The following BRI3 variants were observed in gnomAD, a reference collection of about 807,000 sequenced individuals.
The protein encoded by BRI3 is brain protein I3.
A neutral mutation model predicts 12.8 loss-of-function variants in BRI3; 6 were observed. That is an observed-to-expected ratio of 0.47 (90% CI 0.26 to 0.93). The LOEUF (loss-of-function observed/expected upper bound fraction) is 0.93. Among genes scored for constraint, BRI3 ranks in the 40% least tolerant of loss-of-function variants. BRI3 has a pLI of 0.15. For synonymous variants in BRI3, 91 were observed against 76.1 expected (o/e 1.20, Z -1.02); for missense variants, 134 against 171.1 (o/e 0.78, Z 1.21).
At chr7:98,283,901 T>G (rs1166456717) in intron 2 of BRI3, among the ~76,000 whole-genome samples, 2 of 152,048 alleles carry the variant, frequency 1.3e-5, no homozygotes, top group Non-Finnish European at 2.9e-5. Flanking sequence ...ATCCCAGGGC[T>G]GGGGGGCGCC....
In BRI3 at chr7:98,291,331, A is replaced by G. The variant is rs111602129; in HGVS notation, c.*88A>G. 1.1e-3 allele frequency: 1,729 copies of G among 1,569,560 alleles called. 30 individuals carry two copies. The African/African-American group carries it at 0.02, about 18-fold the overall frequency. On this transcript the variant is annotated 3_prime_UTR_variant, in exon 3 of 3. Coordinates refer to ENST00000297290, the MANE Select transcript of BRI3 (RefSeq NM_015379.5). ...CAATAATTTTATTTGATTAAGCTTC[A>G]GGACTGTTTTGTAAAGCGAGGTGGG...
chr7:98,320,147 T>C, the BRI3 span: 79 of 1,603,484 alleles, frequency 4.9e-5, no homozygotes, highest in South Asian at 8.4e-4. Context: ...CAAAAGGAAA[T>C]AAATTCATAC....
chr7:98,298,232 A>G (rs989297172), intron 1 of BRI3, among the ~76,000 whole-genome samples: 1 of 152,208 alleles, frequency 6.6e-6, no homozygotes, highest in Non-Finnish European at 1.5e-5. Context: ...GGGATGCTCT[A>G]TGGACACCTA....
downstream of BRI3, chr7:98,312,064 G>T (rs200439220): frequency 6.4e-7 from 1 of 1,557,896 alleles, no homozygotes; most frequent in East Asian, 2.3e-5. Context: ...GGAAACACAC[G>T]ATTGAAATCT....
chr7:98,312,611 C>T (rs181677762), downstream of BRI3, among the ~76,000 whole-genome samples: 134 of 152,288 alleles, frequency 8.8e-4, no homozygotes, highest in African/African-American at 3.2e-3. Context: ...GCCCCAGAAA[C>T]GCCAACCATC....
At chr7:98,290,967 G>C (rs1242129788) in intron 2 of BRI3, 144 bp from the exon 3 acceptor site, 1 of 715,770 alleles carries the variant, frequency 1.4e-6, no homozygotes, top group East Asian at 2.7e-5. Flanking sequence ...GTGGTGGGGT[G>C]GGGGGCTGTT....
upstream of BRI3, chr7:98,304,118 GGTCACC>G: frequency 7.1e-7 from 1 of 1,410,932 alleles, no homozygotes; most frequent in Admixed American, 2.9e-5. Context: ...AGAGCAAGGC[GGTCACC>G]ACAGGACCTG....
chr7:98,317,167 CTG>C, the BRI3 span: 1,806 of 1,612,114 alleles, frequency 1.1e-3, 43 homozygotes, highest in South Asian at 0.019. Context: ...TCCTCTTAAA[CTG>C]TGCAAATTGT....
rs150164653 is a variant in BRI3 at position 98,282,410 on chromosome 7, C to G, written c.202C>G (p.Pro68Ala). 1 of 1,614,128 alleles carries G rather than the reference C, an allele frequency of 6.2e-7. No homozygotes were observed. The highest frequency in any genetic ancestry group is 1.7e-5 in the Admixed American group (1 of 60,028). ...CCACAGCCGGACCGTCACCCGCTAT[C>G]CTGCCAACTCTATCGTGGTCGTAGG... ...NIHSRTVTRY[P>A]ANSIVVVGGC... Residue 68 changes from proline to alanine, a missense_variant, in exon 2 of 3, where the codon CCT becomes GCT. Pro to Ala is a conservative substitution (Grantham distance 27). Coordinates refer to ENST00000297290, the MANE Select transcript of BRI3 (RefSeq NM_015379.5).
chr7:98,319,953 T>C, the BRI3 span: 11 of 908,568 alleles, frequency 1.2e-5, no homozygotes, highest in Non-Finnish European at 1.9e-5. Context: ...AACACGGAGC[T>C]TCTCTCCTGT....
chr7:98,306,350 C>T, upstream of BRI3: 1 of 1,481,960 alleles, frequency 6.7e-7, no homozygotes, highest in Non-Finnish European at 9.4e-7. Flanking sequence ...TAGGGCAGGG[C>T]CTGCGACACA....
chr7:98,293,466 C>G (rs1027410169), downstream of BRI3: 11 of 1,526,258 alleles, frequency 7.2e-6, no homozygotes, highest in African/African-American at 1.5e-4. Flanking sequence ...CAGGATGCGC[C>G]CATCATTCCG....
chr7:98,315,614 TA>T, the BRI3 span: 59,259 of 709,476 alleles, frequency 0.084, 1 homozygote, highest in East Asian at 0.11. Flanking sequence ...CTCCACATAC[TA>T]AAAAAAAAAA....
At chr7:98,292,793 G>A (rs573961341), downstream of BRI3, 31 of 1,541,304 alleles carry the variant, frequency 2.0e-5, no homozygotes, top group Middle Eastern at 1.7e-4. Context: ...CCGTGACTCC[G>A]ACGCCCAGGC....
At chr7:98,299,766 C>G (rs866344727) in intron 1 of BRI3, among the ~76,000 whole-genome samples, 1 of 152,186 alleles carries the variant, frequency 6.6e-6, no homozygotes, top group African/African-American at 2.4e-5. Flanking sequence ...ATTTGCCGGG[C>G]GCAGTGACTC....
chr7:98,301,728 G>A (rs1800435697), upstream of BRI3, among the ~76,000 whole-genome samples: 1 of 152,130 alleles, frequency 6.6e-6, no homozygotes, highest in South Asian at 2.1e-4. Context: ...GTGGTCTTGG[G>A]GAAGTGAGCT....
At chr7:98,314,578 A>C (rs1297359692), downstream of BRI3, among the ~76,000 whole-genome samples, 1 of 152,196 alleles carries the variant, frequency 6.6e-6, no homozygotes, top group Admixed American at 6.5e-5. Flanking sequence ...CGAACCTCAC[A>C]GCTGTGTGTG....
chr7:98,284,763 C>T (rs1388996228), intron 2 of BRI3, among the ~76,000 whole-genome samples: 1 of 152,210 alleles, frequency 6.6e-6, no homozygotes, highest in African/African-American at 2.4e-5. Context: ...CTGACTCCAT[C>T]TTCCCTTTCT....
intron 1 of BRI3, among the ~76,000 whole-genome samples, chr7:98,298,826 G>A (rs1035373116): frequency 6.6e-6 from 1 of 152,026 alleles, no homozygotes; most frequent in African/African-American, 2.4e-5. Context: ...AGAGGCCCCC[G>A]GGGCTTTCAG....
Sources: gnomAD v4.1 joint callset for allele counts (sites outside exome capture counted in the v4.1 genomes callset) on GRCh38, gnomAD v4.1.1 for gene constraint, MANE v1.5 for transcripts, NCBI Gene and HGNC (gene_info 2026-07-23, HGNC 2026-07-21) for gene names.